The following FBN2 variants were observed in gnomAD, a reference collection of about 807,000 sequenced individuals.
The protein encoded by FBN2 is fibrillin 2.
FBN2 carries 105 observed loss-of-function variants against 355.6 expected under a neutral mutation model. The observed-to-expected ratio is 0.30, with a 90% CI of 0.25 to 0.35. The LOEUF is 0.35. Among genes scored for constraint, FBN2 ranks in the 10% least tolerant of loss-of-function variants. The pLI, the probability that FBN2 is intolerant of heterozygous loss-of-function variation, is 1.00. For synonymous variants in FBN2, 1,350 were observed against 1,301.2 expected, an observed-to-expected ratio of 1.04 and a Z score of -0.81; for missense variants, 3,280 against 3,758.7, an observed-to-expected ratio of 0.87 and a Z score of 3.33.
chr5:128,269,871 G>T (rs1368026331), intron 62 of FBN2, among the ~76,000 whole-genome samples: 2 of 152,046 alleles, frequency 1.3e-5, no homozygotes, highest in Non-Finnish European at 2.9e-5. Context: ...AACCAAAGAA[G>T]AGCGTGTATA....
intron 62 of FBN2, among the ~76,000 whole-genome samples, chr5:128,270,860 G>A (rs2126802712): frequency 6.6e-6 from 1 of 151,976 alleles, no homozygotes; most frequent in South Asian, 2.1e-4. Context: ...TTTCTATGAA[G>A]AGGAAAAAAA....
At position 128,311,884 on chromosome 5, in the gene FBN2, C is replaced by T. The variant is rs1340830641; in HGVS notation, c.4948+1G>A. On this transcript the variant is annotated splice_donor_variant, in intron 38 of 64. Transcript: ENST00000262464. LOFTEE classifies it high-confidence loss of function. ...TCTGGGTGACAATGGGATTAGCTCA[C>T]CTTCTAAAATGATTGTGATGGGGTT... is the stretch of plus-strand genomic sequence containing the variant. The T allele has an allele frequency of 6.2e-7, 1 of 1,604,924 alleles. No homozygotes were observed. The highest frequency in any genetic ancestry group is 1.1e-5 in the South Asian group (1 of 90,874).
chr5:128,392,265 G>A, intron 10 of FBN2, 110 bp from the exon 11 acceptor site: 2 of 892,828 alleles, frequency 2.2e-6, no homozygotes, highest in South Asian at 3.2e-5. Flanking sequence ...TATATCAGAA[G>A]CTCATATTTT....
intron 48 of FBN2, among the ~76,000 whole-genome samples, chr5:128,293,769 A>G (rs1453745050): frequency 6.6e-6 from 1 of 152,134 alleles, no homozygotes; most frequent in Non-Finnish European, 1.5e-5. Context: ...GACAAAGAAG[A>G]ATCAAGATTG....
intron 25 of FBN2, among the ~76,000 whole-genome samples, chr5:128,340,174 A>G (rs916043719): frequency 1.3e-5 from 2 of 152,210 alleles, no homozygotes; most frequent in African/African-American, 4.8e-5. Flanking sequence ...AAAAATCAAA[A>G]GTTTTTAATC....
chr5:128,519,920 C>G (rs935339000), intron 4 of FBN2, among the ~76,000 whole-genome samples: 4 of 146,916 alleles, frequency 2.7e-5, no homozygotes, highest in Non-Finnish European at 6.0e-5. Context: ...AAGGGCAAAA[C>G]AAAGAAAAGG....
rs1749711886 is a variant in FBN2 at position 128,301,382 on chromosome 5, C to G, written c.6046G>C (p.Asp2016His). 10 of 1,612,646 alleles carry G rather than the reference C, an allele frequency of 6.2e-6. No homozygotes were observed. The highest frequency in any genetic ancestry group is 8.5e-6 in the Non-Finnish European group (10 of 1,178,942). ...GACTGCTTATTATTTAAATACTTAC[C>G]TATACAGTTTTTGCCATCTGGGGTA... The part of the protein sequence containing the change: ...ELTPDGKNCI[D>H]TNECVALPGS... The change falls in exon 47 of 65, where the codon GAC (aspartate) becomes CAC (histidine). Residue 2016 changes from aspartate to histidine, a missense_variant and splice_region_variant. Physicochemically the swap from Asp to His is moderately conservative, Grantham distance 81 (BLOSUM62 -1). Coordinates refer to ENST00000262464, the MANE Select transcript of FBN2 (RefSeq NM_001999.4).
At position 128,305,923 on chromosome 5, in the gene FBN2, T is replaced by G. The variant is rs138022198; in HGVS notation, c.5448A>C (p.Pro1816=). 2 of 1,613,804 alleles carry G rather than the reference T, an allele frequency of 1.2e-6. No individual in the cohort carries two copies. The highest frequency in any genetic ancestry group is 2.2e-5 in the East Asian group (1 of 44,866). The change falls in exon 43 of 65, where the codon CCA becomes CCC. Residue 1816 remains proline, a synonymous_variant. Transcript: ENST00000262464. ...TGCACACACCATTTGCACAAATGCC[T>G]GGAATCTCTTTACATTCATCAATGT... ...AVDIDECKEI[P]GICANGVCIN... is the part of the protein sequence containing the mutation.
chr5:128,349,307 C>A, intron 23 of FBN2, 40 bp downstream of exon 23: 1 of 1,613,344 alleles, frequency 6.2e-7, no homozygotes, highest in Non-Finnish European at 8.5e-7. Flanking sequence ...AAATTCATGG[C>A]TTGTTTTATA....
In FBN2 at chr5:128,364,639, T is replaced by C. The variant is rs1751720908; in HGVS notation, c.2389A>G (p.Ser797Gly). 1 of 1,613,580 alleles carries C rather than the reference T, an allele frequency of 6.2e-7. No individual in the cohort carries two copies. Residue 797 changes from serine to glycine, a missense_variant, in exon 18 of 65, where the codon AGT becomes GGT. Ser to Gly is a moderately conservative substitution (Grantham distance 56). Transcript: ENST00000262464. ...LRGSYRCNCNSGYEPDASGRN... is the reference protein window; with the variant it reads ...LRGSYRCNCNGGYEPDASGRN... ...CCAGAGGCATCTGGTTCATAGCCACTGTTGCAATTACAACGGTAACTACCA... is the reference window on the plus strand; with the variant it reads ...CCAGAGGCATCTGGTTCATAGCCACCGTTGCAATTACAACGGTAACTACCA...
intron 6 of FBN2, 33 bp downstream of exon 6, chr5:128,464,691 G>T: frequency 6.2e-7 from 1 of 1,605,718 alleles, no homozygotes; most frequent in Non-Finnish European, 8.5e-7. Flanking sequence ...TGGCAGGTCT[G>T]CGATGGTGTG....
chr5:128,287,274 A>C (rs1007792541), intron 54 of FBN2, 34 bp downstream of exon 54: 1 of 1,611,738 alleles, frequency 6.2e-7, no homozygotes, highest in African/African-American at 1.3e-5. Context: ...CATGACAAAT[A>C]AAGTTCGAAC....
At chr5:128,530,472 T>C (rs1756673058) in intron 3 of FBN2, 123 bp downstream of exon 3, 9 of 715,592 alleles carry the variant, frequency 1.3e-5, no homozygotes, top group Non-Finnish European at 2.3e-5. Flanking sequence ...TATCTCATAA[T>C]GTTGATGTAA....
chr5:128,364,166 T>C (rs1341527000), intron 18 of FBN2, among the ~76,000 whole-genome samples: 3 of 152,200 alleles, frequency 2.0e-5, no homozygotes, highest in Non-Finnish European at 4.4e-5. Context: ...AAAAAGGAAA[T>C]ACCTTTGTCT....
chr5:128,333,213 T>C (rs1581222311), intron 31 of FBN2, among the ~76,000 whole-genome samples, 179 bp from the exon 32 acceptor site: 1 of 152,216 alleles, frequency 6.6e-6, no homozygotes, highest in Admixed American at 6.5e-5. Context: ...GGAAAATTCA[T>C]GATCCTAATA....
intron 6 of FBN2, among the ~76,000 whole-genome samples, chr5:128,451,826 C>A (rs1754256262): frequency 1.3e-5 from 2 of 152,124 alleles, no homozygotes; most frequent in South Asian, 4.1e-4. Context: ...AAAAATGAGA[C>A]CAAGTCTATA....
chr5:128,371,979 T>C (rs1040233518), intron 15 of FBN2, among the ~76,000 whole-genome samples: 2 of 152,238 alleles, frequency 1.3e-5, no homozygotes, highest in Non-Finnish European at 2.9e-5. Context: ...ATTTATAACT[T>C]AAAGCAGCAA....
At position 128,377,740 on chromosome 5, in the gene FBN2, C is replaced by T. The variant is rs777910433; in HGVS notation, c.1849+12G>A. The T allele has an allele frequency of 1.9e-6, 3 of 1,613,176 alleles. No individual in the cohort carries two copies. Among genetic ancestry groups the T allele is most frequent in the Non-Finnish European group, 2.5e-6 (3 of 1,179,406 alleles). ...TTAAAATCTTTTGCAAGGGAGCAGG[C>T]AATTTCCATACCAACACAGTTTTTT... On this transcript the variant is annotated intron_variant, in intron 13 of 64. Coordinates refer to ENST00000262464, the MANE Select transcript of FBN2 (RefSeq NM_001999.4).
At position 128,369,216 on chromosome 5, in the gene FBN2, T is replaced by A. The variant is rs201548788; in HGVS notation, c.2214A>T (p.Gly738=). 3.5e-5 allele frequency: 56 copies of A among 1,614,042 alleles called. No homozygotes were observed. Among genetic ancestry groups the A allele is most frequent in the Non-Finnish European group, 1.0e-5 (12 of 1,180,040 alleles). The change falls in exon 16 of 65, where the codon GGA becomes GGT. Residue 738 remains glycine (G), a synonymous_variant. Coordinates refer to ENST00000262464, the MANE Select transcript of FBN2 (RefSeq NM_001999.4). ...CCCANPDYGF[G]EPCQPCPAKN... is the part of the protein sequence containing the mutation. ...TTGCAGGGCATGGCTGGCAGGGTTC[T>A]CCAAAACCATAGTCTGGATTGGCAC... is the stretch of plus-strand genomic sequence containing the variant.
Sources: allele counts gnomAD v4.1 joint callset (sites outside exome capture counted in the v4.1 genomes callset), GRCh38; gene constraint gnomAD v4.1.1; transcripts MANE v1.5; gene names NCBI Gene and HGNC (gene_info 2026-07-23, HGNC 2026-07-21).